The following SLC35D2 variants were observed in gnomAD, a reference collection of about 807,000 sequenced individuals.
SLC35D2 encodes the protein solute carrier family 35 member D2, also known as nucleotide sugar transporter SLC35D2.
A neutral mutation model predicts 41.8 loss-of-function variants in SLC35D2; 43 were observed. The observed-to-expected ratio is 1.03, with a 90% confidence interval of 0.81 to 1.33. SLC35D2 has a LOEUF of 1.33. Among genes scored for constraint, SLC35D2 ranks in the 40% most tolerant of loss-of-function variants. The pLI, the probability that SLC35D2 is intolerant of heterozygous loss-of-function variation, is 0.00. For synonymous variants in SLC35D2, 150 were observed against 163.9 expected, an observed-to-expected ratio of 0.92 and a Z score of 0.65; for missense variants, 380 against 408.4, an observed-to-expected ratio of 0.93 and a Z score of 0.60.
At chr9:96,372,932 C>T (rs1393553885) in intron 1 of SLC35D2, among the ~76,000 whole-genome samples, 2 of 148,584 alleles carry the variant, frequency 1.3e-5, no homozygotes, top group African/African-American at 2.5e-5. Flanking sequence ...GACAGAGTTT[C>T]GCTCTTGCCC....
Position 96,313,546 on chromosome 9 carries a change from TCA to T in SLC35D2, c.*2387_*2388del, listed in dbSNP as rs967811161. 4.1e-4 allele frequency among the ~76,000 whole-genome samples: 63 copies of T among 152,162 alleles called. 1 individual carries two copies. The highest frequency in any genetic ancestry group is 1.2e-3 in the African/African-American group (51 of 41,434). On this transcript the variant is annotated 3_prime_UTR_variant and NMD_transcript_variant, in exon 12 of 12. Coordinates refer to the SLC35D2 transcript ENST00000650065. Reference sequence around the variant, plus strand: ...ACTCCCCAGGTATCACCCAAAGCCTTCACCCTAAACCACCCTGTTGGTCTTTC... The same window carrying T: ...ACTCCCCAGGTATCACCCAAAGCCTTCCCTAAACCACCCTGTTGGTCTTTC...
intron 9 of SLC35D2, among the ~76,000 whole-genome samples, chr9:96,327,402 C>T (rs1224144361): frequency 1.3e-5 from 2 of 152,038 alleles, no homozygotes; most frequent in Admixed American, 1.3e-4. Context: ...AGTGAAACCA[C>T]CTCAGCCTGC....
In SLC35D2 at chr9:96,342,259, C is replaced by T. The variant is rs59891448; in HGVS notation, c.684+1645G>A. The stretch of plus-strand genomic sequence containing the variant: ...CTGAGAAGCTGGGATTACAGGCACC[C>T]GCCACCATGCCTGGCTTATTTTTGT... On this transcript the variant is annotated intron_variant, in intron 8 of 11. Coordinates refer to ENST00000253270, the MANE Select transcript of SLC35D2 (RefSeq NM_007001.3). Among the ~76,000 whole-genome samples, 381 of 152,030 alleles carry T rather than the reference C, an allele frequency of 2.5e-3. 1 individual carries two copies. The highest frequency in any genetic ancestry group is 8.6e-3 in the African/African-American group (356 of 41,468).
intron 1 of SLC35D2, 100 bp from the exon 2 acceptor site, chr9:96,368,405 G>A: frequency 1.1e-6 from 1 of 917,088 alleles, no homozygotes; most frequent in South Asian, 1.8e-5. Context: ...CTGAGAAAAT[G>A]AAAATTTATC....
downstream of SLC35D2, among the ~76,000 whole-genome samples, chr9:96,316,047 A>G (rs1224455511): frequency 6.6e-6 from 1 of 152,236 alleles, no homozygotes; most frequent in Non-Finnish European, 1.5e-5. Context: ...AGTTACAGGT[A>G]CAGCTAATAC....
At chr9:96,367,223 A>C (rs1199907317) in intron 2 of SLC35D2, among the ~76,000 whole-genome samples, 1 of 151,096 alleles carries the variant, frequency 6.6e-6, no homozygotes, top group African/African-American at 2.4e-5. Context: ...CAGTCACAAA[A>C]AAAAAAAAAA....
downstream of SLC35D2, among the ~76,000 whole-genome samples, chr9:96,316,185 G>A (rs1828048291): frequency 6.6e-6 from 1 of 152,150 alleles, no homozygotes; most frequent in Non-Finnish European, 1.5e-5. Flanking sequence ...ATGAACTCCA[G>A]GTTAAGAATC....
At chr9:96,355,138 A>C (rs35414298) in intron 4 of SLC35D2, among the ~76,000 whole-genome samples, 4,364 of 151,222 alleles carry the variant, frequency 0.029, 77 homozygotes, top group Middle Eastern at 0.058. Context: ...TGTGCCTCAG[A>C]CACCCAAGTA....
chr9:96,321,330 C>T lies in SLC35D2; in HGVS notation c.926G>A (p.Gly309Asp). The T allele has an allele frequency of 6.2e-7, 1 of 1,612,998 alleles. No homozygotes were observed. Among genetic ancestry groups the T allele is most frequent in the Non-Finnish European group, 8.5e-7 (1 of 1,179,214 alleles). ...CAGTGTTAAAAAGGAATATCTCAAG[C>T]CCCCTGCCATGCTGAAAGGAGAAAA... ...FVGLNICMAG[G>D]LRYSFLTLSS... The change falls in exon 12 of 12, where the codon GGC becomes GAC. Residue 309 changes from glycine (G) to aspartate (D), a missense_variant. Physicochemically the swap from Gly to Asp is moderately conservative, Grantham distance 94 (BLOSUM62 -1). Transcript: ENST00000253270.
At chr9:96,358,005 A>G (rs1387638771) in intron 4 of SLC35D2, among the ~76,000 whole-genome samples, 1 of 151,220 alleles carries the variant, frequency 6.6e-6, no homozygotes, top group Admixed American at 6.6e-5. Context: ...GCACCACTGC[A>G]TTCCAGCCTG....
At chr9:96,342,408 G>C (rs1355802106) in intron 8 of SLC35D2, among the ~76,000 whole-genome samples, 1 of 152,172 alleles carries the variant, frequency 6.6e-6, no homozygotes, top group Non-Finnish European at 1.5e-5. Context: ...GGGGTTACTG[G>C]TGTGAGCCAC....
At chr9:96,349,187 C>T (rs1166548420) in intron 6 of SLC35D2, among the ~76,000 whole-genome samples, 1 of 152,212 alleles carries the variant, frequency 6.6e-6, no homozygotes, top group Non-Finnish European at 1.5e-5. Flanking sequence ...TGAGAACACA[C>T]TTGCTTTCCA....
chr9:96,363,147 G>A (rs1415758477), intron 3 of SLC35D2, among the ~76,000 whole-genome samples: 2 of 151,296 alleles, frequency 1.3e-5, no homozygotes, highest in East Asian at 1.9e-4. Flanking sequence ...GATTACAGGC[G>A]TGAGCCACCC....
At chr9:96,332,583 A>C (rs1828854645) in intron 9 of SLC35D2, among the ~76,000 whole-genome samples, 1 of 152,084 alleles carries the variant, frequency 6.6e-6, no homozygotes. Context: ...GTTCAAGACC[A>C]GCCTGGCCAA....
rs757999336 is a variant in SLC35D2, at chr9:96,376,608, C to CTAAA, written c.158+6865_158+6868dup. ...TGGGCAACAGAGAGAGACTCTGACT[C>CTAAA]TAAATAAATAAATAAATAAGCCAGG... On this transcript the variant is annotated intron_variant, in intron 1 of 11. Transcript: ENST00000253270. Among the ~76,000 whole-genome samples, 21 of 151,584 alleles carry CTAAA rather than the reference C, an allele frequency of 1.4e-4. No individual in the cohort carries two copies. In the East Asian group the frequency reaches 2.0e-3, roughly 14 times the overall value.
At chr9:96,364,247 A>G (rs541261541) in intron 3 of SLC35D2, among the ~76,000 whole-genome samples, 1 of 152,318 alleles carries the variant, frequency 6.6e-6, no homozygotes, top group African/African-American at 2.4e-5. Flanking sequence ...AGGCACGAGA[A>G]TCACTTGAAC....
chr9:96,343,687 A>G (rs1829441361), intron 8 of SLC35D2, among the ~76,000 whole-genome samples: 1 of 152,226 alleles, frequency 6.6e-6, no homozygotes, highest in Admixed American at 6.5e-5. Context: ...TACCAAGTCC[A>G]GAGTTCTTGG....
chr9:96,360,862 C>G (rs906137718), intron 3 of SLC35D2, among the ~76,000 whole-genome samples: 1 of 151,920 alleles, frequency 6.6e-6, no homozygotes, highest in Non-Finnish European at 1.5e-5. Context: ...CTGCCTCAGT[C>G]TCCCGAGTAG....
chr9:96,339,705 A>C (rs1291364545), intron 8 of SLC35D2, among the ~76,000 whole-genome samples: 1 of 152,158 alleles, frequency 6.6e-6, no homozygotes, highest in Non-Finnish European at 1.5e-5. Flanking sequence ...TGTACTTTGA[A>C]CCTATTGCAG....
Sources: allele counts gnomAD v4.1 joint callset (sites outside exome capture counted in the v4.1 genomes callset), GRCh38; gene constraint gnomAD v4.1.1; transcripts MANE v1.5; gene names NCBI Gene and HGNC (gene_info 2026-07-23, HGNC 2026-07-21).